Variants in SLF2 observed in about 807,000 individuals in gnomAD.
The protein encoded by SLF2 is SMC5-SMC6 complex localization factor protein 2.
Under a neutral mutation model 124.3 loss-of-function variants are expected in SLF2, and 68 were observed. The ratio of observed to expected loss-of-function variants is 0.55; its 90% CI spans 0.45 to 0.67. The LOEUF (loss-of-function observed/expected upper bound fraction) is 0.67. Ranked by LOEUF, SLF2 falls within the 30% of genes least tolerant of loss-of-function variation. The pLI is 0.00. For missense variants in SLF2, 1,246 were observed against 1,373.7 expected (o/e 0.91, Z 1.47); for synonymous variants, 480 against 478.8 (o/e 1.00, Z -0.03).
At position 100,926,014 on chromosome 10, in the gene SLF2, A is replaced by C; in HGVS notation, c.2037A>C (p.Thr679=). ...LERLVKEMED[T]QRLDELQKQL... ...GTCTAGTGAAGGAAATGGAAGACACACAAAGGTTTGTTAGCATAAAGATTA... is the reference window on the plus strand; with the variant it reads ...GTCTAGTGAAGGAAATGGAAGACACCCAAAGGTTTGTTAGCATAAAGATTA... The change falls in exon 6 of 20, where the codon ACA becomes ACC. Residue 679 remains threonine, a synonymous_variant. Transcript: ENST00000238961. 6.2e-7 allele frequency: 1 copy of C among 1,614,122 alleles called. No individual in the cohort carries two copies.
intron 18 of SLF2, among the ~76,000 whole-genome samples, chr10:100,958,641 C>T (rs1378942914): frequency 6.6e-6 from 1 of 152,172 alleles, no homozygotes; most frequent in Non-Finnish European, 1.5e-5. Flanking sequence ...GCCTGCCTCT[C>T]CAAAAGCCTC....
chr10:100,916,128 GTT>G, intron 2 of SLF2, 86 bp downstream of exon 2: 1 of 1,004,428 alleles, frequency 1.0e-6, no homozygotes, highest in South Asian at 1.8e-5. Context: ...ACTCTAAACT[GTT>G]TTAGTAAACG....
rs1383894727 is a variant in SLF2 at position 100,929,379 on chromosome 10, C to T, written c.2105C>T (p.Pro702Leu). ...DIRQGRGIKS[P>L]IRIGEEDSTD... is the part of the protein sequence containing the mutation. The stretch of plus-strand genomic sequence containing the variant: ...AGGCAAGGCCGAGGCATTAAATCCC[C>T]AATCAGAATTGGAGAAGAAGACAGT... The change falls in exon 7 of 20, where the codon CCA (proline) becomes CTA (leucine). Residue 702 changes from proline (P) to leucine (L), a missense_variant. Pro to Leu is a moderately conservative substitution (Grantham distance 98, BLOSUM62 -3). Around this residue, in one of 3 missense-constraint regions of SLF2, gnomAD observed 535 missense variants for 632.8 expected, o/e 0.85. Coordinates refer to ENST00000238961, the MANE Select transcript of SLF2 (RefSeq NM_018121.4). The T allele has an allele frequency of 6.2e-7, 1 of 1,613,188 alleles. No homozygotes were observed. The highest frequency in any genetic ancestry group is 1.3e-5 in the African/African-American group (1 of 75,030).
At chr10:100,943,703 C>A in intron 11 of SLF2, 1 of 214,276 alleles carries the variant, frequency 4.7e-6, no homozygotes, top group Non-Finnish European at 9.2e-6. Context: ...GAGGATAGTA[C>A]CATATAAAAA....
intron 9 of SLF2, among the ~76,000 whole-genome samples, chr10:100,934,390 A>G (rs573351505): frequency 1.3e-5 from 2 of 152,244 alleles, no homozygotes; most frequent in East Asian, 3.9e-4. Context: ...CCACCGTGGA[A>G]TTTTTCACCC....
intron 17 of SLF2, among the ~76,000 whole-genome samples, chr10:100,955,905 CA>C (rs56283306): frequency 0.82 from 111,924 of 136,680 alleles, 45,337 homozygotes; most frequent in Middle Eastern, 0.84. Context: ...GACTCTGTCT[CA>C]AAAAAAAAAA....
At chr10:100,928,079 CAGAGAGAG>C (rs71013474) in intron 6 of SLF2, among the ~76,000 whole-genome samples, 50,486 of 112,178 alleles carry the variant, frequency 0.45, 12,246 homozygotes, top group Middle Eastern at 0.6. Flanking sequence ...GAGAGAGAGA[CAGAGAGAG>C]AGAGAGAGAG....
intron 16 of SLF2, 29 bp from the exon 17 acceptor site, chr10:100,950,647 G>A (rs1463151020): frequency 5.1e-6 from 8 of 1,554,128 alleles, no homozygotes; most frequent in Non-Finnish European, 6.2e-6. Flanking sequence ...CTAATTCATA[G>A]GTGTTAATTT....
At chr10:100,923,952 A>T in intron 4 of SLF2, 23 bp from the exon 5 acceptor site, 1 of 1,481,716 alleles carries the variant, frequency 6.7e-7, no homozygotes, top group African/African-American at 1.4e-5. Flanking sequence ...TTTTTCACTA[A>T]TCTAACAAAA....
chr10:100,958,503 T>A (rs896714090), intron 18 of SLF2, among the ~76,000 whole-genome samples: 3 of 152,154 alleles, frequency 2.0e-5, no homozygotes, highest in African/African-American at 7.2e-5. Context: ...ACCACCCAAG[T>A]TTTATGTTTC....
At chr10:100,916,484 AT>A (rs1438501275) in intron 2 of SLF2, 85 bp from the exon 3 acceptor site, 37 of 1,098,952 alleles carry the variant, frequency 3.4e-5, no homozygotes, top group Non-Finnish European at 4.1e-5. Context: ...GTATAGTTTA[AT>A]TTATATTTTA....
At position 100,925,974 on chromosome 10, in the gene SLF2, C is replaced by T. The variant is rs1368781531; in HGVS notation, c.1997C>T (p.Thr666Ile). 1 of 1,607,576 alleles carries T rather than the reference C, an allele frequency of 6.2e-7. No individual in the cohort carries two copies. The highest frequency in any genetic ancestry group is 2.2e-5 in the East Asian group (1 of 44,828). Residue 666 changes from threonine (T) to isoleucine (I), a missense_variant, in exon 6 of 20, where the codon ACA becomes ATA. Physicochemically the swap from Thr to Ile is moderately conservative, Grantham distance 89. Transcript: ENST00000238961. Reference sequence around the variant, plus strand: ...GGACATGTTCATCCTGGAACTTACACAAATACCTTAGAACGTCTAGTGAAG... The same window carrying T: ...GGACATGTTCATCCTGGAACTTACATAAATACCTTAGAACGTCTAGTGAAG... Reference protein sequence around the residue: ...YTGHVHPGTYTNTLERLVKEM... With the variant: ...YTGHVHPGTYINTLERLVKEM...
At chr10:100,942,799 G>A (rs893496348) in intron 11 of SLF2, among the ~76,000 whole-genome samples, 3 of 152,052 alleles carry the variant, frequency 2.0e-5, no homozygotes, top group Non-Finnish European at 4.4e-5. Context: ...GATTACAAGC[G>A]TGAGCCACCA....
intron 6 of SLF2, among the ~76,000 whole-genome samples, chr10:100,928,404 A>G (rs945240836): frequency 1.3e-5 from 2 of 152,156 alleles, no homozygotes; most frequent in African/African-American, 4.8e-5. Context: ...TTCTTTAAAT[A>G]TTTCATGAAT....
intron 6 of SLF2, chr10:100,926,325 C>T (rs1276376879): frequency 3.5e-6 from 5 of 1,427,662 alleles, no homozygotes; most frequent in Non-Finnish European, 1.8e-6. Flanking sequence ...AAAAAAGAGG[C>T]CAGGTGTGAT....
intron 17 of SLF2, 21 bp from the exon 18 acceptor site, chr10:100,956,430 C>T (rs769628371): frequency 3.2e-6 from 5 of 1,551,728 alleles, no homozygotes; most frequent in African/African-American, 1.4e-5. Flanking sequence ...TGTTTTCATC[C>T]CTTGCATTTG....
Position 100,947,064 on chromosome 10 carries a change from A to T in SLF2, c.2960A>T (p.Asn987Ile). The T allele has an allele frequency of 6.2e-7, 1 of 1,613,650 alleles. No individual in the cohort carries two copies. Among genetic ancestry groups the T allele is most frequent in the Non-Finnish European group, 8.5e-7 (1 of 1,179,784 alleles). ...GTGCCTGAACTCTGTCTGGGCATAA[A>T]TGAACTCTCCAGTCATCCCCACAAC... is the stretch of plus-strand genomic sequence containing the variant. ...TKVPELCLGI[N>I]ELSSHPHNLL... is the part of the protein sequence containing the mutation. Residue 987 changes from asparagine (N) to isoleucine (I), a missense_variant, in exon 14 of 20, where the codon AAT becomes ATT. Physicochemically the swap from Asn to Ile is moderately radical, Grantham distance 149. Transcript: ENST00000238961.
intron 1 of SLF2, among the ~76,000 whole-genome samples, chr10:100,914,610 A>G (rs1213068776): frequency 6.6e-6 from 1 of 152,214 alleles, no homozygotes; most frequent in Non-Finnish European, 1.5e-5. Flanking sequence ...AAGATCAATA[A>G]CAAGGTATCA....
intron 7 of SLF2, 83 bp from the exon 8 acceptor site, chr10:100,929,747 G>A (rs10786614): frequency 0.5 from 526,374 of 1,044,214 alleles, 141,575 homozygotes; most frequent in Middle Eastern, 0.56. Context: ...CTTAAAAAAT[G>A]GTTTTCTTTG....
Sources: allele counts gnomAD v4.1 joint callset (sites outside exome capture counted in the v4.1 genomes callset), GRCh38; gene constraint gnomAD v4.1.1; regional missense constraint gnomAD v4.1.1; transcripts MANE v1.5; gene names NCBI Gene and HGNC (gene_info 2026-07-23, HGNC 2026-07-21).